TENM3: variants seen among roughly 807,000 people sequenced by gnomAD.
TENM3 encodes teneurin transmembrane protein 3, also known as teneurin-3.
TENM3 carries 63 observed loss-of-function variants against 255.1 expected under a neutral mutation model. That is an observed-to-expected ratio of 0.25 (90% confidence interval 0.20 to 0.30). TENM3 has a LOEUF of 0.30. Among genes scored for constraint, TENM3 ranks in the 10% least tolerant of loss-of-function variants. The pLI, the probability that TENM3 is intolerant of heterozygous loss-of-function variation, is 1.00. For missense variants in TENM3, 2,929 were observed against 3,461.1 expected (o/e 0.85, Z 3.86); for synonymous variants, 1,306 against 1,322.3 (o/e 0.99, Z 0.27).
intron 3 of TENM3, among the ~76,000 whole-genome samples, chr4:182,519,777 A>C (rs749037715): frequency 3.3e-5 from 5 of 152,164 alleles, no homozygotes; most frequent in Non-Finnish European, 5.9e-5. Context: ...GAAGTTTTAC[A>C]TTTTTATGGA....
the TENM3 span, among the ~76,000 whole-genome samples, chr4:181,961,424 G>T: frequency 6.4e-4 from 98 of 152,024 alleles, no homozygotes; most frequent in African/African-American, 2.0e-3. Flanking sequence ...GTGGTTTTTT[G>T]TTGTTGTTGT....
chr4:181,467,119 ATATATATTTT>A, the TENM3 span, among the ~76,000 whole-genome samples: 153 of 56,272 alleles, frequency 2.7e-3, 1 homozygote, highest in African/African-American at 0.013. Flanking sequence ...ATATATATAT[ATATATATTTT>A]TTTTTTTTTT....
intron 4 of TENM3, among the ~76,000 whole-genome samples, chr4:182,613,858 G>C (rs1204278451): frequency 6.6e-6 from 1 of 152,118 alleles, no homozygotes; most frequent in Non-Finnish European, 1.5e-5. Flanking sequence ...TTACTAATAG[G>C]TCATATTAAT....
At chr4:181,701,790 G>C in the TENM3 span, among the ~76,000 whole-genome samples, 3,182 of 152,254 alleles carry the variant, frequency 0.021, 45 homozygotes, top group South Asian at 0.046. Flanking sequence ...TTTAATAAAT[G>C]GATACATTTA....
chr4:181,753,274 A>G, the TENM3 span, among the ~76,000 whole-genome samples: 2 of 152,182 alleles, frequency 1.3e-5, no homozygotes, highest in African/African-American at 4.8e-5. Context: ...GGAATCCTAT[A>G]TAATCAGACA....
chr4:182,415,447 A>G (rs899603452), intron 3 of TENM3, among the ~76,000 whole-genome samples: 12 of 152,220 alleles, frequency 7.9e-5, no homozygotes, highest in African/African-American at 2.9e-4. Context: ...ATATACATCT[A>G]TTAGGTTGTA....
intron 1 of TENM3, among the ~76,000 whole-genome samples, chr4:182,146,391 C>T (rs998097722): frequency 6.6e-6 from 1 of 151,926 alleles, no homozygotes; most frequent in African/African-American, 2.4e-5. Context: ...CTTGCTAATC[C>T]CACTTTAAAA....
At chr4:182,464,257 T>C (rs1732365963) in intron 3 of TENM3, among the ~76,000 whole-genome samples, 1 of 152,132 alleles carries the variant, frequency 6.6e-6, no homozygotes, top group Non-Finnish European at 1.5e-5. Flanking sequence ...TAAAAAATTA[T>C]ACAGTACTTC....
the TENM3 span, among the ~76,000 whole-genome samples, chr4:181,897,279 A>G: frequency 6.6e-6 from 1 of 152,194 alleles, no homozygotes. Context: ...TCTTATTGGC[A>G]TCTTCCAATA....
intron 3 of TENM3, among the ~76,000 whole-genome samples, chr4:182,573,656 AAC>A (rs1478162515): frequency 6.6e-6 from 1 of 152,206 alleles, no homozygotes; most frequent in Non-Finnish European, 1.5e-5. Flanking sequence ...AAAATTTCTG[AAC>A]AGTTTCTGAA....
the TENM3 span, among the ~76,000 whole-genome samples, chr4:181,744,545 G>C: frequency 6.6e-6 from 1 of 152,096 alleles, no homozygotes; most frequent in Non-Finnish European, 1.5e-5. Context: ...TGTAGTATCT[G>C]ATGGATATTT....
intron 3 of TENM3, among the ~76,000 whole-genome samples, chr4:182,459,394 G>A (rs1050221654): frequency 2.6e-5 from 4 of 151,984 alleles, no homozygotes; most frequent in African/African-American, 7.2e-5. Context: ...GCCCTTTCAC[G>A]TGTCATGATT....
intron 3 of TENM3, among the ~76,000 whole-genome samples, chr4:182,374,546 T>C (rs541405192): frequency 6.6e-6 from 1 of 152,328 alleles, no homozygotes; most frequent in East Asian, 1.9e-4. Context: ...TTCTATTTTT[T>C]CTTCCCACTT....
At chr4:182,738,657 T>A in intron 18 of TENM3, 113 bp downstream of exon 18, 2 of 840,970 alleles carry the variant, frequency 2.4e-6, no homozygotes, top group Non-Finnish European at 3.4e-6. Context: ...ATCCATGCTG[T>A]AGGATTAGAA....
At chr4:181,803,784 A>AAATTAGCCAG in the TENM3 span, among the ~76,000 whole-genome samples, 1 of 151,760 alleles carries the variant, frequency 6.6e-6, no homozygotes, top group Non-Finnish European at 1.5e-5. Flanking sequence ...AAAATGAAAA[A>AAATTAGCCAG]AATTAGCCAG....
the TENM3 span, among the ~76,000 whole-genome samples, chr4:181,978,761 G>T: frequency 6.6e-6 from 1 of 151,310 alleles, no homozygotes; most frequent in Non-Finnish European, 1.5e-5. Flanking sequence ...GGGAAGTTCA[G>T]GTGGGAATTG....
intron 13 of TENM3, among the ~76,000 whole-genome samples, chr4:182,723,858 C>T (rs569402530): frequency 4.6e-5 from 7 of 152,262 alleles, no homozygotes; most frequent in Middle Eastern, 6.8e-3. Context: ...GTTGAACAGT[C>T]GCCATAGAGA....
At chr4:181,972,591 A>AGACTTAGG in the TENM3 span, among the ~76,000 whole-genome samples, 11 of 152,192 alleles carry the variant, frequency 7.2e-5, no homozygotes, top group Non-Finnish European at 5.9e-5. Flanking sequence ...AACTCTTAGC[A>AGACTTAGG]ATGAACTCCA....
At chr4:181,674,848 G>A in the TENM3 span, among the ~76,000 whole-genome samples, 1 of 151,922 alleles carries the variant, frequency 6.6e-6, no homozygotes, top group African/African-American at 2.4e-5. Context: ...AATTTACCAT[G>A]GGGACCCCTT....
Sources: allele counts gnomAD v4.1 joint callset (sites outside exome capture counted in the v4.1 genomes callset), GRCh38; gene constraint gnomAD v4.1.1; transcripts MANE v1.5; gene names NCBI Gene and HGNC (gene_info 2026-07-23, HGNC 2026-07-21).